Variants in SHROOM3 observed in about 807,000 individuals in gnomAD.
SHROOM3 encodes the protein protein Shroom3.
Under a neutral mutation model 138.6 loss-of-function variants are expected in SHROOM3, and 47 were observed. The ratio of observed to expected loss-of-function variants is 0.34; its 90% CI spans 0.27 to 0.43. The LOEUF (loss-of-function observed/expected upper bound fraction) is 0.43. Ranked by LOEUF, SHROOM3 falls within the 20% of genes least tolerant of loss-of-function variation. SHROOM3 has a pLI of 1.00. For synonymous variants in SHROOM3, 1,062 were observed against 1,063.3 expected (o/e 1.00, Z 0.02); for missense variants, 2,491 against 2,596.5 (o/e 0.96, Z 0.88).
intron 8 of SHROOM3, chr4:76,757,969 A>G (rs1385642728): frequency 1.3e-5 from 2 of 152,150 alleles, no homozygotes; most frequent in Admixed American, 6.5e-5. Flanking sequence ...TTTCCAACTG[A>G]TCCTAACTAA....
chr4:76,629,234 T>C (rs1399671576), intron 2 of SHROOM3, among the ~76,000 whole-genome samples: 2 of 152,072 alleles, frequency 1.3e-5, no homozygotes, highest in African/African-American at 4.8e-5. Flanking sequence ...TGGTGACACC[T>C]AGTAAAGGGA....
intron 9 of SHROOM3, 77 bp from the exon 10 acceptor site, chr4:76,770,549 G>A (rs1722326636): frequency 6.4e-7 from 1 of 1,561,476 alleles, no homozygotes; most frequent in Admixed American, 1.7e-5. Flanking sequence ...ATGACAGAAG[G>A]TGGCTGGGGG....
intron 2 of SHROOM3, among the ~76,000 whole-genome samples, chr4:76,708,711 A>G (rs1720137733): frequency 6.6e-6 from 1 of 152,134 alleles, no homozygotes; most frequent in Non-Finnish European, 1.5e-5. Flanking sequence ...AGAGAAGACA[A>G]AGTCACAGAG....
intron 2 of SHROOM3, among the ~76,000 whole-genome samples, chr4:76,608,694 A>AGCACAGCACAGCACT: frequency 7.7e-6 from 1 of 130,312 alleles, no homozygotes; most frequent in African/African-American, 3.0e-5. Context: ...AGCACAGCAC[A>AGCACAGCACAGCACT]GCACAGCACA....
chr4:76,618,789 G>T (rs1247400614), intron 2 of SHROOM3, among the ~76,000 whole-genome samples: 1 of 152,114 alleles, frequency 6.6e-6, no homozygotes, highest in African/African-American at 2.4e-5. Flanking sequence ...TTTGTTAGTT[G>T]ACTCAATAAT....
chr4:76,760,762 T>C (rs951382119), intron 9 of SHROOM3, among the ~76,000 whole-genome samples: 9 of 152,296 alleles, frequency 5.9e-5, no homozygotes, highest in Non-Finnish European at 1.2e-4. Context: ...ACCCCTGATA[T>C]ATATACCTAC....
intron 1 of SHROOM3, among the ~76,000 whole-genome samples, chr4:76,480,777 A>G (rs1731591736): frequency 6.6e-6 from 1 of 152,214 alleles, no homozygotes; most frequent in South Asian, 2.1e-4. Context: ...AATCATAACA[A>G]ACAATCTCTC....
intron 2 of SHROOM3, among the ~76,000 whole-genome samples, chr4:76,591,634 G>A (rs1226340252): frequency 7.7e-6 from 1 of 130,216 alleles, no homozygotes; most frequent in African/African-American, 2.5e-5. Flanking sequence ...TAGTAATGGC[G>A]CCAACCTCTA....
chr4:76,693,370 GTTTTTTTTTT>G (rs10648549), intron 2 of SHROOM3, among the ~76,000 whole-genome samples: 5 of 79,812 alleles, frequency 6.3e-5, no homozygotes, highest in Non-Finnish European at 1.1e-4. Context: ...TGATAAGTTT[GTTTTTTTTTT>G]TTTTTTTTTT....
intron 2 of SHROOM3, among the ~76,000 whole-genome samples, chr4:76,577,369 C>T (rs936818065): frequency 6.6e-6 from 1 of 152,116 alleles, no homozygotes; most frequent in Non-Finnish European, 1.5e-5. Flanking sequence ...TTGTTGTCAG[C>T]AGTACATTGG....
At chr4:76,464,303 A>C (rs35538049) in intron 1 of SHROOM3, among the ~76,000 whole-genome samples, 12,060 of 152,256 alleles carry the variant, frequency 0.079, 602 homozygotes, top group South Asian at 0.19. Context: ...TGGGTTTCGC[A>C]CTTGCATGGG....
chr4:76,756,415 CTCTTT>C (rs1721815014), intron 7 of SHROOM3, 29 bp from the exon 8 acceptor site: 4 of 1,481,060 alleles, frequency 2.7e-6, no homozygotes, highest in East Asian at 2.5e-5. Context: ...TTCTCTCTCT[CTCTTT>C]TTTTTTTTTT....
At chr4:76,617,105 G>A (rs1734899385) in intron 2 of SHROOM3, among the ~76,000 whole-genome samples, 1 of 152,256 alleles carries the variant, frequency 6.6e-6, no homozygotes, top group Non-Finnish European at 1.5e-5. Flanking sequence ...AGAGCCTGGT[G>A]AAGAGCACAG....
intron 2 of SHROOM3, among the ~76,000 whole-genome samples, chr4:76,680,968 G>T (rs1015312331): frequency 6.6e-6 from 1 of 152,180 alleles, no homozygotes; most frequent in African/African-American, 2.4e-5. Flanking sequence ...ATGACTTCTT[G>T]AACAGTGCAG....
chr4:76,486,356 TG>T (rs1731730708), intron 1 of SHROOM3, among the ~76,000 whole-genome samples: 1 of 152,232 alleles, frequency 6.6e-6, no homozygotes, highest in Non-Finnish European at 1.5e-5. Flanking sequence ...AATCATGTGA[TG>T]GATTGAATCT....
At position 76,749,064 on chromosome 4, in the gene SHROOM3, A is replaced by G; in HGVS notation, c.3801A>G (p.Pro1267=). Residue 1267 remains proline (P), a synonymous_variant, in exon 6 of 11, where the codon CCA becomes CCG. Transcript: ENST00000296043. The part of the protein sequence containing the change: ...QDSGFGLVKD[P]CYLAGPGSRS... Reference sequence around the variant, plus strand: ...GTGGCTTTGGTCTTGTGAAGGATCCATGTTATTTGGCTGGTCCTGGATCTA... The same window carrying G: ...GTGGCTTTGGTCTTGTGAAGGATCCGTGTTATTTGGCTGGTCCTGGATCTA... The G allele has an allele frequency of 6.2e-7, 1 of 1,614,046 alleles. No homozygotes were observed. Among genetic ancestry groups the G allele is most frequent in the Non-Finnish European group, 8.5e-7 (1 of 1,179,950 alleles).
rs760955133 is a variant in SHROOM3, at chr4:76,741,378, T to C, written c.3205T>C (p.Ser1069Pro). 5.0e-6 allele frequency: 8 copies of C among 1,604,114 alleles called. No individual in the cohort carries two copies. The highest frequency in any genetic ancestry group is 6.8e-6 in the Non-Finnish European group (8 of 1,176,260). Residue 1069 changes from serine (S) to proline (P), a missense_variant, in exon 5 of 11, where the codon TCC becomes CCC. By Grantham distance (74) the Ser-to-Pro change is moderately conservative. Around this residue, in one of 4 missense-constraint regions of SHROOM3, gnomAD observed 1,733 missense variants for 1,661.6 expected, o/e 1.04. Coordinates refer to ENST00000296043, the MANE Select transcript of SHROOM3 (RefSeq NM_020859.4). This position sits in a 1 kb window ranked among gnomAD's most constrained non-coding sequence, Gnocchi z 6.2. ...RLFERDGKAC[S>P]TLSLSGPELK... Reference sequence around the variant, plus strand: ...CTTCGAGCGCGATGGCAAGGCCTGCTCCACGCTCAGCCTGTCGGGGCCCGA... The same window carrying C: ...CTTCGAGCGCGATGGCAAGGCCTGCCCCACGCTCAGCCTGTCGGGGCCCGA...
At chr4:76,724,390 C>T (rs149360727) in intron 3 of SHROOM3, among the ~76,000 whole-genome samples, 5 of 151,432 alleles carry the variant, frequency 3.3e-5, no homozygotes, top group South Asian at 2.1e-4. Context: ...TTAAATGTTT[C>T]GCATCATTGA....
chr4:76,675,887 G>A (rs2110100457), intron 2 of SHROOM3, among the ~76,000 whole-genome samples: 1 of 152,294 alleles, frequency 6.6e-6, no homozygotes, highest in South Asian at 2.1e-4. Context: ...CGTAGTTAGA[G>A]GATAGATAGA....
Sources: allele counts gnomAD v4.1 joint callset (sites outside exome capture counted in the v4.1 genomes callset), GRCh38; gene constraint gnomAD v4.1.1; regional missense constraint gnomAD v4.1.1; non-coding constraint Gnocchi (gnomAD v3.1); transcripts MANE v1.5; gene names NCBI Gene and HGNC (gene_info 2026-07-23, HGNC 2026-07-21).